The following SREBF2 variants were observed in gnomAD, a reference collection of about 807,000 sequenced individuals.
SREBF2 encodes sterol regulatory element-binding protein 2.
Under a neutral mutation model 113.1 loss-of-function variants are expected in SREBF2, and 55 were observed. That is an observed-to-expected ratio of 0.49 (90% CI 0.39 to 0.61). SREBF2 has a LOEUF of 0.61. SREBF2 is among the 20% of genes least tolerant of loss of function. The probability of loss-of-function intolerance (pLI) is 0.00; values close to 1 mark genes in which losing one functional copy is unlikely to be tolerated. For missense variants in SREBF2, 1,349 were observed against 1,487.4 expected (o/e 0.91, Z 1.53); for synonymous variants, 593 against 605.7 (o/e 0.98, Z 0.31).
chr22:41,894,738 G>A (rs935020397), intron 12 of SREBF2, 82 bp from the exon 13 acceptor site: 68 of 1,161,296 alleles, frequency 5.9e-5, no homozygotes, highest in Admixed American at 2.7e-4. Flanking sequence ...AGGCATGGCT[G>A]TGTTTGGAGT....
chr22:41,887,475 T>A (rs1228101203), intron 11 of SREBF2, among the ~76,000 whole-genome samples: 1 of 152,202 alleles, frequency 6.6e-6, no homozygotes, highest in East Asian at 1.9e-4. Flanking sequence ...TATATTAATA[T>A]AAGGAGAGTC....
chr22:41,905,089 C>A, intron 18 of SREBF2, 115 bp downstream of exon 18: 3 of 1,016,974 alleles, frequency 2.9e-6, no homozygotes, highest in African/African-American at 1.6e-5. Flanking sequence ...GCACACCTCT[C>A]GCCTCTCTGA....
intron 9 of SREBF2, among the ~76,000 whole-genome samples, chr22:41,879,932 C>G (rs938453340): frequency 1.3e-5 from 2 of 152,190 alleles, no homozygotes; most frequent in African/African-American, 4.8e-5. Flanking sequence ...CAAACTTCAG[C>G]AGGCATGAAG....
chr22:41,882,974 G>C (rs1415300855), intron 10 of SREBF2, among the ~76,000 whole-genome samples: 2 of 152,186 alleles, frequency 1.3e-5, no homozygotes, highest in Non-Finnish European at 1.5e-5. Flanking sequence ...GGTTTTTGTG[G>C]TGTGTGTCTG....
In SREBF2 at chr22:41,878,652, TCAA is replaced by T. The variant is rs759031290; in HGVS notation, c.1761+532_1761+534del. 8.4e-6 allele frequency: 11 copies of T among 1,302,542 alleles called. No individual in the cohort carries two copies. In the South Asian group the frequency reaches 1.4e-4, roughly 16 times the overall value. 80.7% of individuals were successfully genotyped at this position (1,302,542 alleles called of 1,614,324 possible). A position where few individuals can be genotyped will look rare whatever the true frequency, so the allele number is the denominator to read the frequency against. ...ACTAGCTGAAAGTTTTCATTTGAAA[TCAA>T]CAGGGAGTTTACGGAAAAAAATCTG... On this transcript the variant is annotated intron_variant, in intron 9 of 18. Coordinates refer to ENST00000361204, the MANE Select transcript of SREBF2 (RefSeq NM_004599.4).
At chr22:41,880,690 C>T in intron 9 of SREBF2, 26 bp from the exon 10 acceptor site, 2 of 1,614,090 alleles carry the variant, frequency 1.2e-6, no homozygotes, top group South Asian at 1.1e-5. Flanking sequence ...GGCCAGTGAC[C>T]ATTAACACCT....
At chr22:41,859,280 C>T (rs1052063326) in intron 1 of SREBF2, among the ~76,000 whole-genome samples, 4 of 152,264 alleles carry the variant, frequency 2.6e-5, no homozygotes, top group African/African-American at 9.6e-5. Flanking sequence ...TAGGTTACAG[C>T]TTGGGAGTTA....
intron 11 of SREBF2, among the ~76,000 whole-genome samples, chr22:41,885,287 G>T (rs769027157): frequency 1.3e-5 from 2 of 152,214 alleles, no homozygotes; most frequent in African/African-American, 4.8e-5. Context: ...GATTGGTTCA[G>T]CAATAGCAGA....
intron 11 of SREBF2, among the ~76,000 whole-genome samples, chr22:41,887,573 T>A (rs1311623600): frequency 2.0e-5 from 3 of 152,206 alleles, no homozygotes; most frequent in Admixed American, 6.5e-5. Context: ...TTATAGATTG[T>A]TCGTTCTCAT....
At chr22:41,859,524 A>T (rs2077006112) in intron 1 of SREBF2, among the ~76,000 whole-genome samples, 1 of 152,146 alleles carries the variant, frequency 6.6e-6, no homozygotes, top group South Asian at 2.1e-4. Context: ...AATTTATATT[A>T]TGCTCAGATT....
intron 10 of SREBF2, among the ~76,000 whole-genome samples, chr22:41,881,324 G>A (rs1204207533): frequency 2.0e-5 from 3 of 152,226 alleles, no homozygotes; most frequent in Non-Finnish European, 4.4e-5. Flanking sequence ...ACATCTTAGA[G>A]TCAATGAAAT....
At chr22:41,889,757 T>A (rs1013995917) in intron 11 of SREBF2, among the ~76,000 whole-genome samples, 1 of 150,060 alleles carries the variant, frequency 6.7e-6, no homozygotes, top group African/African-American at 2.5e-5. Flanking sequence ...TCCCAGCACT[T>A]AAGGAGGCTG....
At chr22:41,851,601 C>T (rs978348495) in intron 1 of SREBF2, among the ~76,000 whole-genome samples, 1 of 152,106 alleles carries the variant, frequency 6.6e-6, no homozygotes, top group Non-Finnish European at 1.5e-5. Flanking sequence ...TCAAGCGATT[C>T]TCCTGCCTCA....
chr22:41,846,879 T>G (rs2076881214), intron 1 of SREBF2, among the ~76,000 whole-genome samples: 1 of 152,212 alleles, frequency 6.6e-6, no homozygotes. Context: ...TCGCAGTTTA[T>G]GGAGTTGGTT....
chr22:41,868,116 T>A (rs1329046283), intron 2 of SREBF2, among the ~76,000 whole-genome samples: 2 of 152,240 alleles, frequency 1.3e-5, no homozygotes, highest in African/African-American at 2.4e-5. Flanking sequence ...TTCATCATAT[T>A]TCCCTCTGAC....
At chr22:41,857,543 T>TG (rs2076988829) in intron 1 of SREBF2, among the ~76,000 whole-genome samples, 1 of 152,234 alleles carries the variant, frequency 6.6e-6, no homozygotes, top group Admixed American at 6.5e-5. Context: ...AAGGAATATA[T>TG]GACACCTTTG....
At chr22:41,883,040 G>A (rs2077264003) in intron 10 of SREBF2, among the ~76,000 whole-genome samples, 1 of 152,242 alleles carries the variant, frequency 6.6e-6, no homozygotes, top group Non-Finnish European at 1.5e-5. Flanking sequence ...CTGGGAGGTA[G>A]ATCGAGGCTG....
intron 13 of SREBF2, among the ~76,000 whole-genome samples, chr22:41,895,431 C>CTTTT (rs35810171): frequency 2.0e-4 from 21 of 106,222 alleles, no homozygotes; most frequent in African/African-American, 3.4e-4. Context: ...ATGCCCAGGC[C>CTTTT]TTTTTTTTTT....
In SREBF2 at chr22:41,862,008, TTTCC is replaced by T. The variant is rs1366589371; in HGVS notation, c.89-4822_89-4819del. ...GAATAAATGACCTTTGTAAACTAGG[TTTCC>T]CAGCCCCTAATAGGGCTGGGTAACA... On this transcript the variant is annotated intron_variant, in intron 1 of 18. Transcript: ENST00000361204. 2.4e-3 allele frequency among the ~76,000 whole-genome samples: 365 copies of T among 152,258 alleles called. 3 individuals carry two copies. The highest frequency in any genetic ancestry group is 8.2e-3 in the African/African-American group (341 of 41,558).
Sources: allele counts gnomAD v4.1 joint callset (sites outside exome capture counted in the v4.1 genomes callset), GRCh38; gene constraint gnomAD v4.1.1; transcripts MANE v1.5; gene names NCBI Gene and HGNC (gene_info 2026-07-23, HGNC 2026-07-21).